The following WDR25 variants were observed in gnomAD, a reference collection of about 807,000 sequenced individuals.
The protein encoded by WDR25 is WD repeat domain 25.
WDR25 carries 35 observed loss-of-function variants against 47.7 expected under a neutral mutation model. That is an observed-to-expected ratio of 0.73 (90% confidence interval 0.56 to 0.97). The LOEUF (loss-of-function observed/expected upper bound fraction) is 0.97, where lower values mean the gene tolerates loss of function less well. WDR25 is among the 50% of genes least tolerant of loss of function. The pLI is 0.00. For missense variants in WDR25, 634 were observed against 704.7 expected, an observed-to-expected ratio of 0.90 and a Z score of 1.14; for synonymous variants, 248 against 278.9, an observed-to-expected ratio of 0.89 and a Z score of 1.10.
chr14:100,413,303 A>T (rs1897763886), intron 2 of WDR25, among the ~76,000 whole-genome samples: 1 of 152,112 alleles, frequency 6.6e-6, no homozygotes, highest in African/African-American at 2.4e-5. Context: ...TGTTCTGGGT[A>T]TCCTTTATCA....
At position 100,404,986 on chromosome 14, in the gene WDR25, ATCTG is replaced by A. The variant is rs1343096050; in HGVS notation, c.822+23247_822+23250del. ...GTTCTGTCTTTCCTGTGCTCGCAGA[ATCTG>A]TCTGTCCTCTTGCCCCCACCTCAGA... On this transcript the variant is annotated intron_variant, in intron 2 of 6. Transcript: ENST00000402312. The surrounding 1 kb of genome is among the most constrained non-coding windows in gnomAD (Gnocchi z 4.6). 2.6e-5 allele frequency among the ~76,000 whole-genome samples: 4 copies of A among 152,044 alleles called. No homozygotes were observed. The highest frequency in any genetic ancestry group is 5.9e-5 in the Non-Finnish European group (4 of 68,008).
intron 2 of WDR25, among the ~76,000 whole-genome samples, chr14:100,446,332 A>C (rs1293527615): frequency 1.3e-5 from 2 of 152,130 alleles, no homozygotes; most frequent in African/African-American, 4.8e-5. Context: ...AGGCAGGTGG[A>C]TCACTTGAGG....
At chr14:100,415,203 A>G (rs1370222664) in intron 2 of WDR25, among the ~76,000 whole-genome samples, 3 of 152,212 alleles carry the variant, frequency 2.0e-5, no homozygotes, top group Non-Finnish European at 4.4e-5. Context: ...GAGAAGACCC[A>G]GGAAGCTTTG....
chr14:100,483,820 G>A (rs1900287029), intron 3 of WDR25, among the ~76,000 whole-genome samples, 174 bp from the exon 4 acceptor site: 1 of 152,188 alleles, frequency 6.6e-6, no homozygotes. Context: ...CAGAGAATAA[G>A]GGCAAATCTT....
intron 4 of WDR25, among the ~76,000 whole-genome samples, chr14:100,494,205 G>A (rs1475570391): frequency 1.3e-5 from 2 of 152,222 alleles, no homozygotes; most frequent in East Asian, 1.9e-4. Flanking sequence ...GATTATAGGC[G>A]TGAGCCACTA....
intron 3 of WDR25, among the ~76,000 whole-genome samples, chr14:100,475,212 A>G (rs1566928237): frequency 6.6e-6 from 1 of 152,250 alleles, no homozygotes; most frequent in Non-Finnish European, 1.5e-5. Context: ...TTTGGAAAAT[A>G]GTGTGGAGGT....
rs182496347 is a variant in WDR25 at position 100,380,984 on chromosome 14, G to A, written c.60G>A (p.Ser20=). ...TGGTAGCGTATGATGATTCGGACTC[G>A]GAGGCTGAGACAGAGCATGCAGGAA... ...ASLVAYDDSD[S]EAETEHAGSF... is the part of the protein sequence containing the mutation. Residue 20 remains serine (S), a synonymous_variant, in exon 2 of 7, where the codon TCG becomes TCA. Transcript: ENST00000402312. 1.7e-4 allele frequency: 281 copies of A among 1,614,204 alleles called. 1 individual carries two copies. The Admixed American group carries it at 3.4e-3, about 19-fold the overall frequency.
chr14:100,460,305 G>T (rs980961840), intron 2 of WDR25, among the ~76,000 whole-genome samples: 4 of 151,790 alleles, frequency 2.6e-5, no homozygotes, highest in Non-Finnish European at 5.9e-5. Flanking sequence ...GTAGAGACGG[G>T]GTTTCACTGC....
chr14:100,447,807 G>C (rs1341380889), intron 2 of WDR25, among the ~76,000 whole-genome samples: 2 of 152,176 alleles, frequency 1.3e-5, no homozygotes, highest in East Asian at 1.9e-4. Context: ...TGCTGTGTGC[G>C]TAGAGCTATT....
rs1467969338 is a variant in WDR25, at chr14:100,425,303, A to AG, written c.823-42715dup. On this transcript the variant is annotated intron_variant, in intron 2 of 6. Coordinates refer to ENST00000402312, the MANE Select transcript of WDR25 (RefSeq NM_001161476.3). The surrounding 1 kb of genome is among the most constrained non-coding windows in gnomAD (Gnocchi z 4.8). Reference sequence around the variant, plus strand: ...CCATGGGCCTAAGCTGTAACGGGGCAGGGCTGTCACTTGCACTGACTCATT... The same window carrying AG: ...CCATGGGCCTAAGCTGTAACGGGGCAGGGGCTGTCACTTGCACTGACTCATT... Among the ~76,000 whole-genome samples, 4 of 152,204 alleles carry AG rather than the reference A, an allele frequency of 2.6e-5. No homozygotes were observed. The highest frequency in any genetic ancestry group is 9.6e-5 in the African/African-American group (4 of 41,456).
In WDR25 at chr14:100,490,245, A is replaced by G. The variant is rs75181475; in HGVS notation, c.1101+6121A>G. ...GGGAAAGAGTTGTGCCTCATTTACCATGGTATTCCCAGCATCCAGCATAGT... is the reference window on the plus strand; with the variant it reads ...GGGAAAGAGTTGTGCCTCATTTACCGTGGTATTCCCAGCATCCAGCATAGT... On this transcript the variant is annotated intron_variant, in intron 4 of 6. Coordinates refer to ENST00000402312, the MANE Select transcript of WDR25 (RefSeq NM_001161476.3). 1.5e-3 allele frequency among the ~76,000 whole-genome samples: 222 copies of G among 152,246 alleles called. 3 individuals are homozygous for G. Among genetic ancestry groups the G allele is most frequent in the East Asian group, 0.013 (65 of 5,166 alleles).
chr14:100,443,384 T>A lies in WDR25; in HGVS notation c.823-24637T>A, dbSNP rs146625955. On this transcript the variant is annotated intron_variant, in intron 2 of 6. Transcript: ENST00000402312. ...AGAATGACTGCCTTGCTTCGCCCCA[T>A]CTACTGGAAAAGCCACCGACTGAAT... Among the ~76,000 whole-genome samples, 94 of 149,954 alleles carry A rather than the reference T, an allele frequency of 6.3e-4. 1 individual carries two copies. In the East Asian group the frequency reaches 0.016, roughly 26 times the overall value.
intron 2 of WDR25, among the ~76,000 whole-genome samples, chr14:100,412,609 T>C (rs1336606019): frequency 6.6e-6 from 1 of 152,226 alleles, no homozygotes; most frequent in East Asian, 1.9e-4. Context: ...CATGTATATG[T>C]GTTTAGGTAT....
At chr14:100,405,925 C>T (rs557402730) in intron 2 of WDR25, among the ~76,000 whole-genome samples, 4 of 152,312 alleles carry the variant, frequency 2.6e-5, no homozygotes, top group African/African-American at 9.6e-5. Context: ...TTCTCAGGTG[C>T]CTACATGGGG....
rs145000980 is a variant in WDR25 at position 100,477,285 on chromosome 14, A to T, written c.971-6709A>T. Among the ~76,000 whole-genome samples, 33 of 152,242 alleles carry T rather than the reference A, an allele frequency of 2.2e-4. No homozygotes were observed. The South Asian group carries it at 6.0e-3, about 28-fold the overall frequency. ...TTTTAAACTTGTTTTTGCTTTAACA[A>T]TTTTTTTATTTGTATCATTATTGAT... is the stretch of plus-strand genomic sequence containing the variant. On this transcript the variant is annotated intron_variant, in intron 3 of 6. Transcript: ENST00000402312.
intron 2 of WDR25, among the ~76,000 whole-genome samples, chr14:100,461,593 A>C (rs982437320): frequency 6.6e-6 from 1 of 152,250 alleles, no homozygotes; most frequent in Non-Finnish European, 1.5e-5. Flanking sequence ...CAGCTGTAGA[A>C]CACAAACATC....
intron 2 of WDR25, among the ~76,000 whole-genome samples, chr14:100,390,846 T>C (rs189530319): frequency 6.6e-6 from 1 of 152,356 alleles, no homozygotes; most frequent in East Asian, 1.9e-4. Context: ...GCGGCAGAAT[T>C]ATTACCTTTT....
chr14:100,523,698 G>T lies in WDR25; in HGVS notation c.1102-2172G>T, dbSNP rs140060626. ...CATCCCCCAGGTTTGCTGGTGGGCC[G>T]AGTGGTGGGCAGATTGTAGGGACAT... On this transcript the variant is annotated intron_variant, in intron 4 of 6. Transcript: ENST00000402312. This position sits in a 1 kb window ranked among gnomAD's most constrained non-coding sequence, Gnocchi z 4.7. 6.6e-6 allele frequency among the ~76,000 whole-genome samples: 1 copy of T among 152,218 alleles called. No individual in the cohort carries two copies. Among genetic ancestry groups the T allele is most frequent in the African/African-American group, 2.4e-5 (1 of 41,528 alleles).
At chr14:100,410,097 A>G (rs770830527) in intron 2 of WDR25, among the ~76,000 whole-genome samples, 1 of 152,216 alleles carries the variant, frequency 6.6e-6, no homozygotes, top group Non-Finnish European at 1.5e-5. Context: ...GCCAAACCCC[A>G]TCTGAGTTTC....
Sources: allele counts gnomAD v4.1 joint callset (sites outside exome capture counted in the v4.1 genomes callset), GRCh38; gene constraint gnomAD v4.1.1; non-coding constraint Gnocchi (gnomAD v3.1); transcripts MANE v1.5; gene names NCBI Gene and HGNC (gene_info 2026-07-23, HGNC 2026-07-21).